ADCK5: variants seen among roughly 807,000 people sequenced by gnomAD.
ADCK5 encodes the protein uncharacterized aarF domain-containing protein kinase 5.
In ADCK5, 43 loss-of-function variants were observed where a neutral mutation model predicts 64.9. The ratio of observed to expected loss-of-function variants is 0.66; its 90% CI spans 0.52 to 0.85. The LOEUF is 0.85. Ranked by LOEUF, ADCK5 falls within the 40% of genes least tolerant of loss-of-function variation. ADCK5 has a pLI of 0.00. For synonymous variants in ADCK5, 434 were observed against 342.8 expected (o/e 1.27, Z -2.94); for missense variants, 760 against 810.5 (o/e 0.94, Z 0.76).
intron 2 of ADCK5, among the ~76,000 whole-genome samples, chr8:144,381,451 C>G (rs1456121609): frequency 4.0e-5 from 5 of 126,250 alleles, no homozygotes; most frequent in Non-Finnish European, 6.5e-5. Flanking sequence ...TGTGCTCAGG[C>G]ACCTGCCGCA....
Position 144,393,029 on chromosome 8 carries a change from C to A in ADCK5, c.1698C>A (p.Ser566Arg). Residue 566 changes from serine to arginine, a missense_variant, in exon 15 of 15, where the codon AGC becomes AGA. Transcript: ENST00000308860. ...TGGCTCGTGCTCTGGTCCACCTGAG[C>A]CTCGTGCCCCCAGCGGAGGAGCTCT... The part of the protein sequence containing the change: ...ALLARALVHL[S>R]LVPPAEELYQ... The A allele has an allele frequency of 6.3e-7, 1 of 1,590,548 alleles. No individual in the cohort carries two copies. Among genetic ancestry groups the A allele is most frequent in the Non-Finnish European group, 8.5e-7 (1 of 1,172,362 alleles).
Position 144,393,161 on chromosome 8 carries a change from G to T in ADCK5, c.*87G>T. On this transcript the variant is annotated 3_prime_UTR_variant, in exon 15 of 15. Transcript: ENST00000308860. ...TAGAGGTGTAGACACCCCGAGCCCCGTGGGCACTCGCACTGGGGGGCTGTG... is the reference window on the plus strand; with the variant it reads ...TAGAGGTGTAGACACCCCGAGCCCCTTGGGCACTCGCACTGGGGGGCTGTG... 7.2e-7 allele frequency: 1 copy of T among 1,380,718 alleles called. No homozygotes were observed. The allele number at this position is 1,380,718 out of a possible 1,614,324, so 85.5% of individuals were successfully genotyped here.
intron 1 of ADCK5, among the ~76,000 whole-genome samples, chr8:144,374,805 G>A (rs903378680): frequency 1.3e-5 from 2 of 151,984 alleles, no homozygotes; most frequent in African/African-American, 4.8e-5. Flanking sequence ...CCATGGCTCC[G>A]AGGCCCCCTC....
At chr8:144,380,042 C>T (rs1024516768) in intron 2 of ADCK5, among the ~76,000 whole-genome samples, 4 of 152,364 alleles carry the variant, frequency 2.6e-5, no homozygotes, top group East Asian at 3.9e-4. Context: ...CTCCTTCTCC[C>T]GAGAGCTCTG....
Position 144,393,095 on chromosome 8 carries a change from G to A in ADCK5, c.*21G>A. Reference sequence around the variant, plus strand: ...CCTAGGGTGCAGCCGCCCAGGGCCGGCGGGGCCCTTTTCACCTTGGGCTGA... The same window carrying A: ...CCTAGGGTGCAGCCGCCCAGGGCCGACGGGGCCCTTTTCACCTTGGGCTGA... On this transcript the variant is annotated 3_prime_UTR_variant, in exon 15 of 15. Coordinates refer to ENST00000308860, the MANE Select transcript of ADCK5 (RefSeq NM_174922.5). The A allele has an allele frequency of 2.6e-6, 4 of 1,529,212 alleles. No individual in the cohort carries two copies. Among genetic ancestry groups the A allele is most frequent in the Non-Finnish European group, 3.5e-6 (4 of 1,142,634 alleles). 94.7% of individuals were successfully genotyped at this position (1,529,212 alleles called of 1,614,324 possible). A position where few individuals can be genotyped will look rare whatever the true frequency, so the allele number is the denominator to read the frequency against.
In ADCK5 at chr8:144,376,795, G is replaced by A. The variant is rs1819385186; in HGVS notation, c.13-2592G>A. ...CCATGCATGCACTGGCACCAGAGGT[G>A]GCTAGGGTCAGGAGGTGCAGGCTGG... On this transcript the variant is annotated intron_variant, in intron 1 of 14. Transcript: ENST00000308860. The surrounding 1 kb of genome is among the most constrained non-coding windows in gnomAD (Gnocchi z 5.1). 1.3e-5 allele frequency among the ~76,000 whole-genome samples: 2 copies of A among 152,218 alleles called. No individual in the cohort carries two copies. Among genetic ancestry groups the A allele is most frequent in the Non-Finnish European group, 2.9e-5 (2 of 68,034 alleles).
At chr8:144,383,014 G>A in intron 2 of ADCK5, 67 bp from the exon 3 acceptor site, 1 of 1,547,644 alleles carries the variant, frequency 6.5e-7, no homozygotes. Flanking sequence ...GGGGGAGGTG[G>A]GGGCAGAGAT....
At position 144,392,186 on chromosome 8, in the gene ADCK5, T is replaced by C. The variant is rs1400078580; in HGVS notation, c.1175+16T>C. The C allele has an allele frequency of 4.2e-6, 1 of 237,000 alleles. No homozygotes were observed. The highest frequency in any genetic ancestry group is 8.0e-6 in the Non-Finnish European group (1 of 125,074). The allele number at this position is 237,000 out of a possible 1,614,324, so 14.7% of individuals were successfully genotyped here. Reference sequence around the variant, plus strand: ...TGGAGGAGAAGTGAGCGCGGGTGGGTGGGCGTGGGGCAGGGCAAGCCTCTC... The same window carrying C: ...TGGAGGAGAAGTGAGCGCGGGTGGGCGGGCGTGGGGCAGGGCAAGCCTCTC... On this transcript the variant is annotated intron_variant, in intron 11 of 14. Transcript: ENST00000308860.
intron 1 of ADCK5, among the ~76,000 whole-genome samples, chr8:144,374,830 C>T (rs782786706): frequency 4.5e-4 from 69 of 152,132 alleles, no homozygotes; most frequent in Non-Finnish European, 9.0e-4. Flanking sequence ...AGGCTCTCGG[C>T]GTCTCCCCGC....
intron 3 of ADCK5, among the ~76,000 whole-genome samples, chr8:144,387,937 G>C (rs1320593105): frequency 1.3e-5 from 2 of 150,640 alleles, no homozygotes; most frequent in Non-Finnish European, 3.0e-5. Flanking sequence ...TCTCTGTGTT[G>C]GTCAGACTGG....
At position 144,391,378 on chromosome 8, in the gene ADCK5, G is replaced by A. The variant is rs1376870068; in HGVS notation, c.702G>A (p.Leu234=). The A allele has an allele frequency of 6.2e-7, 1 of 1,613,098 alleles. No homozygotes were observed. Among genetic ancestry groups the A allele is most frequent in the Non-Finnish European group, 8.5e-7 (1 of 1,180,024 alleles). ...CAGTGCAGGTGCAGTACATCGACCTGCGGGACCGCTTTGATGGGGACATCC... is the reference window on the plus strand; with the variant it reads ...CAGTGCAGGTGCAGTACATCGACCTACGGGACCGCTTTGATGGGGACATCC... ...SVAVKVQYID[L]RDRFDGDIHT... Residue 234 remains leucine, a synonymous_variant, in exon 7 of 15, where the codon CTG becomes CTA. Coordinates refer to ENST00000308860, the MANE Select transcript of ADCK5 (RefSeq NM_174922.5).
intron 3 of ADCK5, chr8:144,389,373 C>G (rs1010631840): frequency 4.4e-6 from 2 of 456,248 alleles, no homozygotes; most frequent in Non-Finnish European, 8.8e-6. Context: ...GCTGCCTCAG[C>G]CCTGCCCCCT....
rs1332198229 is a variant in ADCK5 at position 144,392,757 on chromosome 8, C to G, written c.1521-19C>G. The G allele has an allele frequency of 6.3e-7, 1 of 1,585,720 alleles. No homozygotes were observed. Among genetic ancestry groups the G allele is most frequent in the African/African-American group, 1.3e-5 (1 of 74,526 alleles). ...GGGCTGGTGTGGGGCTGACGCGGCG[C>G]TAACGCGGGTGTGTGCAGGGCTGTC... On this transcript the variant is annotated intron_variant, in intron 13 of 14. Coordinates refer to ENST00000308860, the MANE Select transcript of ADCK5 (RefSeq NM_174922.5).
At chr8:144,389,957 T>C (rs1820131962) in intron 3 of ADCK5, among the ~76,000 whole-genome samples, 1 of 151,154 alleles carries the variant, frequency 6.6e-6, no homozygotes, top group Non-Finnish European at 1.5e-5. Context: ...GTCTCCCGAG[T>C]AGCTGGGATT....
intron 1 of ADCK5, among the ~76,000 whole-genome samples, chr8:144,377,806 G>T (rs1293724110): frequency 4.6e-5 from 7 of 152,166 alleles, no homozygotes; most frequent in Non-Finnish European, 1.0e-4. Flanking sequence ...CTCCCATCCG[G>T]GCGTCCACCT....
rs1045125341 is a variant in ADCK5, at chr8:144,391,074, C to T, written c.543+18C>T. ...TCCAGGAGGTGAGTGTGCGCTCAGG[C>T]CGAGGGAGGTGGGGCCTCCAGCAGT... On this transcript the variant is annotated intron_variant, in intron 5 of 14. Coordinates refer to ENST00000308860, the MANE Select transcript of ADCK5 (RefSeq NM_174922.5). 7 of 1,611,060 alleles carry T rather than the reference C, an allele frequency of 4.3e-6. No homozygotes were observed. In the African/African-American group the frequency reaches 8.0e-5, roughly 18 times the overall value.
intron 3 of ADCK5, among the ~76,000 whole-genome samples, chr8:144,389,711 T>C (rs1820114149): frequency 6.6e-6 from 1 of 152,074 alleles, no homozygotes; most frequent in African/African-American, 2.4e-5. Context: ...TTTGTATTTT[T>C]AGTAGAGACT....
chr8:144,386,152 G>A (rs1819916240), intron 3 of ADCK5, among the ~76,000 whole-genome samples: 1 of 150,930 alleles, frequency 6.6e-6, no homozygotes, highest in South Asian at 2.1e-4. Context: ...GGGACTACAG[G>A]TGTGCGCGCC....
rs1554858942 is a variant in ADCK5, at chr8:144,384,521, G to A, written c.266+1291G>A. Among the ~76,000 whole-genome samples, 1 of 152,190 alleles carries A rather than the reference G, an allele frequency of 6.6e-6. No individual in the cohort carries two copies. Among genetic ancestry groups the A allele is most frequent in the African/African-American group, 2.4e-5 (1 of 41,438 alleles). On this transcript the variant is annotated intron_variant, in intron 3 of 14. Transcript: ENST00000308860. The surrounding 1 kb of genome is among the most constrained non-coding windows in gnomAD (Gnocchi z 5.7). ...CTGTCCCTGCCTGCAGATTTTGGGTGGCATTGTCTGTCTTGCAGGGCCATC... is the reference window on the plus strand; with the variant it reads ...CTGTCCCTGCCTGCAGATTTTGGGTAGCATTGTCTGTCTTGCAGGGCCATC...
Sources: gnomAD v4.1 joint callset for allele counts (sites outside exome capture counted in the v4.1 genomes callset) on GRCh38, gnomAD v4.1.1 for gene constraint, Gnocchi (gnomAD v3.1) non-coding constraint, MANE v1.5 for transcripts, NCBI Gene and HGNC (gene_info 2026-07-23, HGNC 2026-07-21) for gene names.